Variants in PARP11 observed in about 807,000 individuals in gnomAD.
PARP11 encodes poly(ADP-ribose) polymerase family member 11.
Under a neutral mutation model 42.9 loss-of-function variants are expected in PARP11, and 31 were observed. That is an observed-to-expected ratio of 0.72 (90% confidence interval 0.54 to 0.98). The LOEUF (loss-of-function observed/expected upper bound fraction) is 0.98, where lower values mean the gene tolerates loss of function less well. Ranked by LOEUF, PARP11 falls within the 50% of genes least tolerant of loss-of-function variation. The pLI is 0.00. For missense variants in PARP11, 365 were observed against 413.1 expected, an observed-to-expected ratio of 0.88 and a Z score of 1.01; for synonymous variants, 137 against 127.3, an observed-to-expected ratio of 1.08 and a Z score of -0.51.
At chr12:3,841,619 C>G in intron 1 of PARP11, 1 of 1,613,444 alleles carries the variant, frequency 6.2e-7, no homozygotes, top group Non-Finnish European at 8.5e-7. Context: ...GATCTTGAAT[C>G]TGAGACCCCT....
chr12:3,851,301 AG>A (rs1948091852), intron 1 of PARP11, among the ~76,000 whole-genome samples: 3 of 152,360 alleles, frequency 2.0e-5, no homozygotes, highest in Non-Finnish European at 2.9e-5. Context: ...GAAGAAGGGC[AG>A]GGCATCGCCT....
At chr12:3,831,318 ATT>A (rs1947634333) in intron 1 of PARP11, among the ~76,000 whole-genome samples, 1 of 152,108 alleles carries the variant, frequency 6.6e-6, no homozygotes, top group Non-Finnish European at 1.5e-5. Context: ...GTTATTGATG[ATT>A]TGTTAAAAAT....
chr12:3,863,813 A>C (rs965765553), intron 1 of PARP11: 6 of 152,210 alleles, frequency 3.9e-5, no homozygotes, highest in African/African-American at 1.2e-4. Flanking sequence ...TCATGTAAAC[A>C]TAACAGCACC....
chr12:3,863,674 G>A (rs753746676), intron 1 of PARP11, among the ~76,000 whole-genome samples: 13 of 152,300 alleles, frequency 8.5e-5, no homozygotes, highest in East Asian at 3.9e-4. Flanking sequence ...GGTTCCAAGC[G>A]TCCCTTCCCG....
intron 1 of PARP11, among the ~76,000 whole-genome samples, chr12:3,837,493 A>T (rs1189505259): frequency 6.6e-6 from 1 of 152,260 alleles, no homozygotes; most frequent in East Asian, 1.9e-4. Context: ...ACATACGACC[A>T]GAGAAAATCA....
intron 1 of PARP11, among the ~76,000 whole-genome samples, chr12:3,859,047 G>T (rs1287065145): frequency 1.3e-5 from 2 of 149,476 alleles, no homozygotes; most frequent in African/African-American, 4.9e-5. Flanking sequence ...ACAGTGAGCC[G>T]AGATCATGTC....
rs200307166 is a variant in PARP11, at chr12:3,810,715, G to GAAGAGAAAGAGAAAGAGAAAGAGA, written c.*1407_*1408insTCTCTTTCTCTTTCTCTTTCTCTT. On this transcript the variant is annotated 3_prime_UTR_variant, in exon 8 of 8. Coordinates refer to ENST00000228820, the MANE Select transcript of PARP11 (RefSeq NM_020367.6). ...AGAAGGAAGGAAGAGAGAGAGAAGA[G>GAAGAGAAAGAGAAAGAGAAAGAGA]AAGAGAAAGAGAAAGAGAAAGAGGA... is the stretch of plus-strand genomic sequence containing the variant. 1.4e-5 allele frequency: 2 copies of GAAGAGAAAGAGAAAGAGAAAGAGA among 142,840 alleles called. No homozygotes were observed. Among genetic ancestry groups the GAAGAGAAAGAGAAAGAGAAAGAGA allele is most frequent in the African/African-American group, 5.4e-5 (2 of 37,290 alleles). 8.8% of individuals were successfully genotyped at this position (142,840 alleles called of 1,614,324 possible).
chr12:3,838,442 A>G (rs1487653314), intron 1 of PARP11, among the ~76,000 whole-genome samples: 1 of 152,182 alleles, frequency 6.6e-6, no homozygotes, highest in Non-Finnish European at 1.5e-5. Flanking sequence ...TATGGGATAC[A>G]ACAAAAGCAG....
At chr12:3,855,603 G>A (rs1034199927) in intron 1 of PARP11, among the ~76,000 whole-genome samples, 3 of 152,084 alleles carry the variant, frequency 2.0e-5, no homozygotes, top group Admixed American at 2.0e-4. Flanking sequence ...GAACTACAAA[G>A]CACTGCTCAA....
chr12:3,822,067 A>G lies in PARP11; in HGVS notation c.417+18T>C. The G allele has an allele frequency of 6.2e-7, 1 of 1,612,232 alleles. No homozygotes were observed. The highest frequency in any genetic ancestry group is 1.1e-5 in the South Asian group (1 of 90,590). ...TCCGGTTTCTTTCATGGGTATATTCAGTCAATTCTGCTCTTACCTGATATG... is the reference window on the plus strand; with the variant it reads ...TCCGGTTTCTTTCATGGGTATATTCGGTCAATTCTGCTCTTACCTGATATG... On this transcript the variant is annotated intron_variant, in intron 5 of 7. Coordinates refer to ENST00000228820, the MANE Select transcript of PARP11 (RefSeq NM_020367.6).
At chr12:3,825,795 C>T (rs1432455875) in intron 4 of PARP11, among the ~76,000 whole-genome samples, 1 of 152,104 alleles carries the variant, frequency 6.6e-6, no homozygotes, top group African/African-American at 2.4e-5. Flanking sequence ...GGTGCCATCT[C>T]GGCTCACTTC....
In PARP11 at chr12:3,822,598, CAA is replaced by C. The variant is rs36089402; in HGVS notation, c.345-443_345-442del. On this transcript the variant is annotated intron_variant, in intron 4 of 7. Coordinates refer to ENST00000228820, the MANE Select transcript of PARP11 (RefSeq NM_020367.6). ...TGGGCGACAGGGCGAGACTCCGTCTCAAAAAAAAAAAAAAAAAAATTATTGAC... is the reference window on the plus strand; with the variant it reads ...TGGGCGACAGGGCGAGACTCCGTCTCAAAAAAAAAAAAAAAAATTATTGAC... Among the ~76,000 whole-genome samples, 361 of 93,244 alleles carry C rather than the reference CAA, an allele frequency of 3.9e-3. 1 individual carries two copies. The highest frequency in any genetic ancestry group is 0.011 in the African/African-American group (308 of 28,220). 61.2% of individuals were successfully genotyped at this position (93,244 alleles called of 152,430 possible).
At chr12:3,833,988 T>C (rs537485722) in intron 1 of PARP11, among the ~76,000 whole-genome samples, 1 of 152,278 alleles carries the variant, frequency 6.6e-6, no homozygotes, top group South Asian at 2.1e-4. Flanking sequence ...CCCGTCTCTC[T>C]TTCCCTACAC....
intron 1 of PARP11, chr12:3,841,387 CCT>C (rs1454380855): frequency 7.7e-7 from 1 of 1,307,032 alleles, no homozygotes; most frequent in African/African-American, 1.4e-5. Flanking sequence ...CCCAAAGGTC[CCT>C]GTCCCTGTTT....
At chr12:3,826,272 T>G (rs1947522432) in intron 3 of PARP11, 39 bp from the exon 4 acceptor site, 2 of 1,403,146 alleles carry the variant, frequency 1.4e-6, no homozygotes, top group Admixed American at 4.4e-5. Flanking sequence ...GTCATAAAAG[T>G]ACACTGTACT....
intron 1 of PARP11, among the ~76,000 whole-genome samples, chr12:3,836,749 T>A (rs1016148617): frequency 6.6e-6 from 1 of 152,142 alleles, no homozygotes; most frequent in East Asian, 1.9e-4. Context: ...GCAAATATTA[T>A]GTAGGGAGAG....
At chr12:3,872,704 T>C in intron 1 of PARP11, 3 of 985,270 alleles carry the variant, frequency 3.0e-6, no homozygotes, top group South Asian at 9.4e-5. Context: ...TCCCTTGCTT[T>C]AGACTGGTGG....
intron 6 of PARP11, among the ~76,000 whole-genome samples, chr12:3,817,312 G>A (rs187958928): frequency 2.3e-3 from 354 of 152,264 alleles, no homozygotes; most frequent in African/African-American, 7.9e-3. Flanking sequence ...AGGGCATGGA[G>A]TATGGGCATA....
At chr12:3,832,503 G>A (rs983569107) in intron 1 of PARP11, among the ~76,000 whole-genome samples, 25 of 152,206 alleles carry the variant, frequency 1.6e-4, no homozygotes, top group African/African-American at 6.0e-4. Context: ...CCTCTCCTAT[G>A]TTGCTAACAT....
Sources: gnomAD v4.1 joint callset for allele counts (sites outside exome capture counted in the v4.1 genomes callset) on GRCh38, gnomAD v4.1.1 for gene constraint, MANE v1.5 for transcripts, NCBI Gene and HGNC (gene_info 2026-07-23, HGNC 2026-07-21) for gene names.